Variants in CNTN1 observed in about 807,000 individuals in gnomAD.
CNTN1 encodes contactin 1.
In CNTN1, 38 loss-of-function variants were observed where a neutral mutation model predicts 126.4. The observed-to-expected ratio is 0.30, with a 90% confidence interval of 0.23 to 0.39. The LOEUF is 0.39. Ranked by LOEUF, CNTN1 falls within the 10% of genes least tolerant of loss-of-function variation. The pLI, the probability that CNTN1 is intolerant of heterozygous loss-of-function variation, is 1.00. For synonymous variants in CNTN1, 413 were observed against 422.6 expected, an observed-to-expected ratio of 0.98 and a Z score of 0.28; for missense variants, 1,009 against 1,248.4, an observed-to-expected ratio of 0.81 and a Z score of 2.89.
intron 23 of CNTN1, among the ~76,000 whole-genome samples, chr12:41,034,774 G>C (rs1949219517): frequency 6.6e-6 from 1 of 151,998 alleles, no homozygotes; most frequent in South Asian, 2.1e-4. Flanking sequence ...TCAAAGCCTT[G>C]CCTAACCACA....
At chr12:40,716,218 T>TTCTC (rs201658307) in intron 1 of CNTN1, among the ~76,000 whole-genome samples, 1 of 151,144 alleles carries the variant, frequency 6.6e-6, no homozygotes, top group Non-Finnish European at 1.5e-5. Context: ...CTTCCATTCC[T>TTCTC]TCTCTCTCTC....
At chr12:40,846,955 C>T (rs912124271) in intron 1 of CNTN1, among the ~76,000 whole-genome samples, 1 of 152,074 alleles carries the variant, frequency 6.6e-6, no homozygotes. Flanking sequence ...GCATCCTCCG[C>T]CTCCCAGGTT....
chr12:40,763,452 G>T (rs1938946436), intron 1 of CNTN1, among the ~76,000 whole-genome samples: 1 of 152,004 alleles, frequency 6.6e-6, no homozygotes, highest in Non-Finnish European at 1.5e-5. Context: ...AAGGGTGAGG[G>T]GCTTGTGCAG....
At chr12:41,054,774 CAA>C (rs1949764813) in intron 23 of CNTN1, among the ~76,000 whole-genome samples, 1 of 152,068 alleles carries the variant, frequency 6.6e-6, no homozygotes, top group Non-Finnish European at 1.5e-5. Flanking sequence ...TAGAGAATGT[CAA>C]GTCATGCAAT....
intron 3 of CNTN1, among the ~76,000 whole-genome samples, chr12:40,915,091 A>G (rs960658494): frequency 6.6e-6 from 1 of 152,086 alleles, no homozygotes; most frequent in Non-Finnish European, 1.5e-5. Context: ...CTGAAAGCTG[A>G]CCAACTTTTA....
intron 16 of CNTN1, among the ~76,000 whole-genome samples, chr12:40,991,368 C>T (rs1471839434): frequency 2.0e-5 from 3 of 151,402 alleles, no homozygotes; most frequent in African/African-American, 7.3e-5. Flanking sequence ...ACACTTACAA[C>T]CTTAATTTGA....
chr12:40,904,711 T>A (rs1292946797), intron 1 of CNTN1, among the ~76,000 whole-genome samples: 3 of 152,230 alleles, frequency 2.0e-5, no homozygotes. Context: ...ATTACAGGTG[T>A]GAGCCACTGG....
chr12:40,967,449 T>C (rs1415161716), intron 15 of CNTN1, among the ~76,000 whole-genome samples: 2 of 152,002 alleles, frequency 1.3e-5, no homozygotes, highest in African/African-American at 4.8e-5. Flanking sequence ...CACTGCACTC[T>C]AGCCTGGGCG....
intron 23 of CNTN1, among the ~76,000 whole-genome samples, chr12:41,032,563 A>G (rs1949170697): frequency 6.6e-6 from 1 of 151,896 alleles, no homozygotes; most frequent in South Asian, 2.1e-4. Context: ...AGGCATCTCT[A>G]CTTGTTCTCC....
intron 1 of CNTN1, among the ~76,000 whole-genome samples, chr12:40,704,302 C>T (rs1022402584): frequency 1.3e-5 from 2 of 151,940 alleles, no homozygotes; most frequent in Non-Finnish European, 2.9e-5. Context: ...ATATCTAGAT[C>T]ATTCTTGATA....
chr12:40,975,009 A>C (rs1947631442), intron 15 of CNTN1, among the ~76,000 whole-genome samples: 1 of 151,916 alleles, frequency 6.6e-6, no homozygotes, highest in African/African-American at 2.4e-5. Flanking sequence ...TTTTGCAGAC[A>C]GGCACATTTA....
At chr12:40,975,200 A>T (rs1335810348) in intron 15 of CNTN1, among the ~76,000 whole-genome samples, 2 of 112,114 alleles carry the variant, frequency 1.8e-5, no homozygotes, top group African/African-American at 3.3e-5. Context: ...ATATATATAT[A>T]TATATATATA....
At chr12:40,818,681 A>G (rs1265735467) in intron 1 of CNTN1, among the ~76,000 whole-genome samples, 2 of 152,050 alleles carry the variant, frequency 1.3e-5, no homozygotes, top group Non-Finnish European at 2.9e-5. Context: ...CAATTCATCC[A>G]TCTGATCCTC....
chr12:40,845,686 G>C (rs1942473939), intron 1 of CNTN1, among the ~76,000 whole-genome samples: 2 of 152,096 alleles, frequency 1.3e-5, no homozygotes, highest in Admixed American at 6.6e-5. Context: ...TGGAGAGTGA[G>C]TTATATAAAC....
intron 1 of CNTN1, among the ~76,000 whole-genome samples, chr12:40,853,786 T>C (rs1391502302): frequency 6.6e-6 from 1 of 151,738 alleles, no homozygotes; most frequent in Non-Finnish European, 1.5e-5. Flanking sequence ...GCTCTATCCG[T>C]CTCCTTTCCC....
chr12:40,818,056 T>C (rs1162341655), intron 1 of CNTN1, among the ~76,000 whole-genome samples: 1 of 152,198 alleles, frequency 6.6e-6, no homozygotes, highest in Admixed American at 6.5e-5. Context: ...GGGCTTCCCT[T>C]TGTAGGTGAC....
intron 1 of CNTN1, among the ~76,000 whole-genome samples, chr12:40,836,323 T>C (rs2136567177): frequency 6.7e-6 from 1 of 150,076 alleles, no homozygotes; most frequent in Admixed American, 6.7e-5. Flanking sequence ...TCAGATACTA[T>C]GGTACACTTT....
chr12:40,742,732 A>C (rs535808144), intron 1 of CNTN1, among the ~76,000 whole-genome samples: 1 of 152,094 alleles, frequency 6.6e-6, no homozygotes, highest in South Asian at 2.1e-4. Context: ...TAATTCTCTT[A>C]TAAGGCCTTA....
At chr12:40,795,839 T>A (rs765611630) in intron 1 of CNTN1, among the ~76,000 whole-genome samples, 12 of 152,118 alleles carry the variant, frequency 7.9e-5, no homozygotes, top group Non-Finnish European at 1.6e-4. Context: ...ATCACTTGTG[T>A]GTGGTAGGCA....
Sources: allele counts gnomAD v4.1 joint callset (sites outside exome capture counted in the v4.1 genomes callset), GRCh38; gene constraint gnomAD v4.1.1; transcripts MANE v1.5; gene names NCBI Gene and HGNC (gene_info 2026-07-23, HGNC 2026-07-21).